Variants in GALNTL6 observed in about 807,000 individuals in gnomAD.
The protein encoded by GALNTL6 is polypeptide N-acetylgalactosaminyltransferase like 6.
In GALNTL6, 46 loss-of-function variants were observed where a neutral mutation model predicts 73.7. The ratio of observed to expected loss-of-function variants is 0.62; its 90% CI spans 0.49 to 0.80. The LOEUF (loss-of-function observed/expected upper bound fraction) is 0.80. GALNTL6 is among the 30% of genes least tolerant of loss of function. The pLI is 0.00. For missense variants in GALNTL6, 604 were observed against 755.0 expected (o/e 0.80, Z 2.34); for synonymous variants, 259 against 263.7 (o/e 0.98, Z 0.17).
chr4:172,629,422 G>A (rs1341340396), intron 5 of GALNTL6, among the ~76,000 whole-genome samples: 1 of 151,872 alleles, frequency 6.6e-6, no homozygotes, highest in Non-Finnish European at 1.5e-5. Flanking sequence ...ATTGAATTTT[G>A]GTATGAGATT....
At chr4:172,233,843 C>G (rs1409934899) in intron 3 of GALNTL6, among the ~76,000 whole-genome samples, 7 of 151,854 alleles carry the variant, frequency 4.6e-5, no homozygotes, top group African/African-American at 1.7e-4. Flanking sequence ...TTGTATTTAG[C>G]CTATGGATAA....
intron 8 of GALNTL6, among the ~76,000 whole-genome samples, chr4:172,899,225 AATGTT>A (rs1746492346): frequency 6.6e-6 from 1 of 152,156 alleles, no homozygotes; most frequent in Admixed American, 6.5e-5. Context: ...TGTTAAGAGA[AATGTT>A]ATGTTGTCTT....
At chr4:171,965,253 T>C (rs999721440) in intron 2 of GALNTL6, among the ~76,000 whole-genome samples, 2 of 152,162 alleles carry the variant, frequency 1.3e-5, no homozygotes, top group Admixed American at 6.5e-5. Context: ...GTATGCCAAA[T>C]AAATGTAGAA....
At chr4:172,224,373 T>A (rs554967272) in intron 2 of GALNTL6, among the ~76,000 whole-genome samples, 2 of 152,202 alleles carry the variant, frequency 1.3e-5, no homozygotes, top group Admixed American at 6.5e-5. Flanking sequence ...GTTTTTCTAC[T>A]ACATCATATT....
At chr4:172,230,561 T>A (rs1380440005) in intron 3 of GALNTL6, among the ~76,000 whole-genome samples, 4 of 149,460 alleles carry the variant, frequency 2.7e-5, no homozygotes, top group Non-Finnish European at 5.9e-5. Context: ...AGCCGGGCGA[T>A]AGAGTGAGAC....
chr4:171,939,295 T>G (rs1459666107), intron 2 of GALNTL6, among the ~76,000 whole-genome samples: 1 of 152,050 alleles, frequency 6.6e-6, no homozygotes, highest in Non-Finnish European at 1.5e-5. Context: ...TACTGATTTT[T>G]TTTGATAAGC....
chr4:172,336,275 GT>G (rs200566896), intron 4 of GALNTL6, among the ~76,000 whole-genome samples: 1 of 126,038 alleles, frequency 7.9e-6, no homozygotes, highest in African/African-American at 3.0e-5. Flanking sequence ...GTTTTGTTTT[GT>G]TTTTTTTTTT....
At chr4:172,134,106 G>A (rs1457754055) in intron 2 of GALNTL6, among the ~76,000 whole-genome samples, 2 of 152,182 alleles carry the variant, frequency 1.3e-5, no homozygotes, top group East Asian at 1.9e-4. Context: ...AACAGTGGCC[G>A]GGCGCAATGG....
chr4:172,091,040 C>T (rs1339944681), intron 2 of GALNTL6, among the ~76,000 whole-genome samples: 1 of 152,004 alleles, frequency 6.6e-6, no homozygotes, highest in Non-Finnish European at 1.5e-5. Flanking sequence ...CTGTTCTGTT[C>T]CATTGGTCTA....
At chr4:171,973,003 T>C (rs1363220718) in intron 2 of GALNTL6, among the ~76,000 whole-genome samples, 1 of 152,160 alleles carries the variant, frequency 6.6e-6, no homozygotes, top group Non-Finnish European at 1.5e-5. Context: ...CTAACAAAAA[T>C]ATAAAACTAT....
chr4:171,817,153 T>A (rs182721258), intron 2 of GALNTL6, among the ~76,000 whole-genome samples: 11 of 151,972 alleles, frequency 7.2e-5, no homozygotes, highest in Non-Finnish European at 1.2e-4. Flanking sequence ...AATGTGCAGA[T>A]CAAAGCACTG....
rs538112916 is a variant in GALNTL6, at chr4:172,466,970, T to C, written c.553+118281T>C. Among the ~76,000 whole-genome samples the C allele has an allele frequency of 8.5e-5, 13 of 152,230 alleles. No homozygotes were observed. The East Asian group carries it at 2.5e-3, about 29-fold the overall frequency. The stretch of plus-strand genomic sequence containing the variant: ...TCCTTAGTAACGCTGCAACTGATTT[T>C]AGCTTAGAAACTTCCACCTTGTATT... On this transcript the variant is annotated intron_variant, in intron 5 of 12. Transcript: ENST00000506823.
rs376844621 is a variant in GALNTL6 at position 171,991,712 on chromosome 4, ATGTG to A, written c.138+177010_138+177013del. On this transcript the variant is annotated intron_variant, in intron 2 of 12. Coordinates refer to ENST00000506823, the MANE Select transcript of GALNTL6 (RefSeq NM_001034845.3). ...TAGACCAGAAGTTGAGTTTGATTAT[ATGTG>A]TGTGTGTGTGTGTGTATATATATAT... 6.2e-4 allele frequency among the ~76,000 whole-genome samples: 85 copies of A among 137,300 alleles called. 1 individual carries two copies. In the East Asian group the frequency reaches 0.013, roughly 20 times the overall value. 90.1% of individuals were successfully genotyped at this position (137,300 alleles called of 152,430 possible).
chr4:172,255,383 GT>G lies in GALNTL6; in HGVS notation c.247+25622del. Reference sequence around the variant, plus strand: ...GTTGAAGAAGCTAAATGTAATAATGGTTTCCCAAAATATCAAGTATAGAAGG... The same window carrying G: ...GTTGAAGAAGCTAAATGTAATAATGGTTCCCAAAATATCAAGTATAGAAGG... On this transcript the variant is annotated intron_variant, in intron 3 of 12. Transcript: ENST00000506823. 1.3e-5 allele frequency among the ~76,000 whole-genome samples: 2 copies of G among 151,562 alleles called. 1 individual carries two copies. The highest frequency in any genetic ancestry group is 3.0e-5 in the Non-Finnish European group (2 of 67,558).
intron 2 of GALNTL6, among the ~76,000 whole-genome samples, chr4:172,010,230 G>A (rs1332900292): frequency 6.6e-6 from 1 of 152,048 alleles, no homozygotes. Flanking sequence ...GCTGCCATTT[G>A]AGACAGCTAA....
chr4:172,618,121 T>C (rs988642869), intron 5 of GALNTL6, among the ~76,000 whole-genome samples: 5 of 152,332 alleles, frequency 3.3e-5, no homozygotes, highest in South Asian at 2.1e-4. Context: ...GGCAGCCTTT[T>C]TTCTGCTTTC....
chr4:172,466,891 G>A (rs546224751), intron 5 of GALNTL6, among the ~76,000 whole-genome samples: 3 of 151,346 alleles, frequency 2.0e-5, no homozygotes, highest in South Asian at 2.1e-4. Flanking sequence ...GAAAGGTTTC[G>A]AATCTTACGA....
At chr4:171,987,336 G>A (rs973576452) in intron 2 of GALNTL6, among the ~76,000 whole-genome samples, 1 of 152,170 alleles carries the variant, frequency 6.6e-6, no homozygotes. Context: ...CTGCTTGGCT[G>A]ATTTGACTAA....
chr4:172,928,959 T>C (rs1054218579), intron 8 of GALNTL6, among the ~76,000 whole-genome samples: 5 of 152,254 alleles, frequency 3.3e-5, no homozygotes, highest in South Asian at 4.1e-4. Flanking sequence ...TCAGTCTTTT[T>C]CCACACTTCC....
Sources: allele counts gnomAD v4.1 joint callset (sites outside exome capture counted in the v4.1 genomes callset), GRCh38; gene constraint gnomAD v4.1.1; transcripts MANE v1.5; gene names NCBI Gene and HGNC (gene_info 2026-07-23, HGNC 2026-07-21).